The following AMBN variants were observed in gnomAD, a reference collection of about 807,000 sequenced individuals.
AMBN encodes ameloblastin, also known as enamel matrix protein.
In AMBN, 54 loss-of-function variants were observed where a neutral mutation model predicts 48.0. The observed-to-expected ratio is 1.12, with a 90% CI of 0.90 to 1.41. The LOEUF (loss-of-function observed/expected upper bound fraction) is 1.41, where lower values mean the gene tolerates loss of function less well. AMBN is among the 40% of genes most tolerant of loss of function. The pLI is 0.00. For missense variants in AMBN, 571 were observed against 547.3 expected, an observed-to-expected ratio of 1.04 and a Z score of -0.43; for synonymous variants, 186 against 190.0, an observed-to-expected ratio of 0.98 and a Z score of 0.17.
At chr4:70,603,604 A>C in intron 11 of AMBN, 144 bp downstream of exon 11, 1 of 879,858 alleles carries the variant, frequency 1.1e-6, no homozygotes, top group Admixed American at 2.7e-5. Flanking sequence ...TAAGGAGGCA[A>C]ACTTCCTATT....
chr4:70,602,904 C>G (rs955083375), intron 8 of AMBN, 68 bp downstream of exon 8: 1 of 1,523,600 alleles, frequency 6.6e-7, no homozygotes, highest in African/African-American at 1.4e-5. Context: ...CTTTGTCTAT[C>G]TTTTATTTGC....
intron 9 of AMBN, 76 bp from the exon 10 acceptor site, chr4:70,603,184 T>C: frequency 6.8e-7 from 1 of 1,467,428 alleles, no homozygotes; most frequent in Non-Finnish European, 9.4e-7. Flanking sequence ...TGAAAATGTG[T>C]TTCATATACC....
Position 70,599,664 on chromosome 4 carries a change from A to G in AMBN, c.294+18A>G. ...CTCAACAGGTGAGTGAATAGCATCA[A>G]TATGTTTGAAACCTCAGGCTTTAAA... On this transcript the variant is annotated intron_variant, in intron 5 of 12. Transcript: ENST00000322937. 6.4e-7 allele frequency: 1 copy of G among 1,562,930 alleles called. No individual in the cohort carries two copies.
chr4:70,596,991 T>A lies in AMBN; in HGVS notation c.85-8T>A, dbSNP rs1189372184. ...ATAAGACTCAAAATTATTCTTATTTTCATTCAGTTCTTTCCTCAGCAATCT... is the reference window on the plus strand; with the variant it reads ...ATAAGACTCAAAATTATTCTTATTTACATTCAGTTCTTTCCTCAGCAATCT... On this transcript the variant is annotated splice_region_variant and splice_polypyrimidine_tract_variant and intron_variant, in intron 2 of 12. Transcript: ENST00000322937. 1 of 1,612,878 alleles carries A rather than the reference T, an allele frequency of 6.2e-7. No individual in the cohort carries two copies. Among genetic ancestry groups the A allele is most frequent in the Non-Finnish European group, 8.5e-7 (1 of 1,179,180 alleles).
intron 12 of AMBN, among the ~76,000 whole-genome samples, chr4:70,604,809 A>G (rs1202658283): frequency 1.3e-5 from 2 of 152,132 alleles, no homozygotes; most frequent in Non-Finnish European, 2.9e-5. Context: ...CCTGGCCAAC[A>G]TGGTAAAACC....
intron 4 of AMBN, 72 bp from the exon 5 acceptor site, chr4:70,599,464 G>T: frequency 8.4e-7 from 1 of 1,196,948 alleles, no homozygotes; most frequent in Non-Finnish European, 1.2e-6. Context: ...AAAGGAAAAG[G>T]AAAACCAAAT....
At chr4:70,602,483 C>T in intron 6 of AMBN, 141 bp from the exon 7 acceptor site, 2 of 601,870 alleles carry the variant, frequency 3.3e-6, no homozygotes, top group Non-Finnish European at 5.4e-6. Flanking sequence ...AATAATGAAA[C>T]TCATTTTAAT....
intron 2 of AMBN, among the ~76,000 whole-genome samples, chr4:70,596,567 T>A (rs1241030684): frequency 6.6e-6 from 1 of 152,210 alleles, no homozygotes; most frequent in Non-Finnish European, 1.5e-5. Flanking sequence ...CCATGCCATG[T>A]CTTGTAAACC....
At chr4:70,595,688 C>A (rs1303978565) in intron 2 of AMBN, among the ~76,000 whole-genome samples, 1 of 152,006 alleles carries the variant, frequency 6.6e-6, no homozygotes, top group Non-Finnish European at 1.5e-5. Context: ...GAAGGAAAGA[C>A]GGCATTACAA....
Position 70,606,241 on chromosome 4 carries a change from G to A in AMBN, c.855G>A (p.Met285Ile), listed in dbSNP as rs115723025. 5.9e-3 allele frequency: 9,495 copies of A among 1,614,080 alleles called. 460 individuals carry two copies. The African/African-American group carries it at 0.11, about 18-fold the overall frequency. Residue 285 changes from methionine to isoleucine, a missense_variant, in exon 13 of 13, where the codon ATG (methionine) becomes ATA (isoleucine). By Grantham distance (10) the Met-to-Ile change is conservative. Coordinates refer to ENST00000322937, the MANE Select transcript of AMBN (RefSeq NM_016519.6). ...CCATGTTTCCAGGATTTGGAGGCAT[G>A]AGGCCCGGCTTTGAGGGAATGCCCC... ...YGAMFPGFGG[M>I]RPGFEGMPHN...
chr4:70,601,743 G>C, intron 6 of AMBN, 89 bp downstream of exon 6: 4 of 1,186,646 alleles, frequency 3.4e-6, no homozygotes, highest in Non-Finnish European at 4.9e-6. Context: ...AATAATCGTA[G>C]CCTTCAGGCA....
intron 4 of AMBN, among the ~76,000 whole-genome samples, chr4:70,598,884 C>CCTGTCT (rs1360824569): frequency 1.3e-5 from 2 of 151,616 alleles, no homozygotes; most frequent in Non-Finnish European, 2.9e-5. Context: ...AAGCAATTCT[C>CCTGTCT]CTGTCTCAGC....
Position 70,606,692 on chromosome 4 carries a change from G to A in AMBN, c.1306G>A (p.Glu436Lys), listed in dbSNP as rs149937358. ...SMPGNKAQEPEMMHDAWHFQE... is the reference protein window; with the variant it reads ...SMPGNKAQEPKMMHDAWHFQE... ...GCCAGGAAACAAAGCCCAGGAGCCC[G>A]AGATGATGCATGACGCATGGCATTT... The change falls in exon 13 of 13, where the codon GAG (glutamate) becomes AAG (lysine). Residue 436 changes from glutamate (E) to lysine (K), a missense_variant. Physicochemically the swap from Glu to Lys is moderately conservative, Grantham distance 56. Transcript: ENST00000322937. 3.5e-4 allele frequency: 565 copies of A among 1,613,898 alleles called. No individual in the cohort carries two copies. Among genetic ancestry groups the A allele is most frequent in the East Asian group, 2.3e-3 (104 of 44,858 alleles).
intron 7 of AMBN, 46 bp downstream of exon 7, chr4:70,602,708 A>T: frequency 6.7e-7 from 1 of 1,503,446 alleles, no homozygotes; most frequent in Non-Finnish European, 8.9e-7. Context: ...TTATTTTTTA[A>T]TTTTTATTTG....
Position 70,601,497 on chromosome 4 carries a change from C to T in AMBN, c.374C>T (p.Pro125Leu), listed in dbSNP as rs180819235. ...SLKPQQPGLK[P>L]FLQSAAATTN... ...AAGCCTCAACAGCCAGGACTGAAAC[C>T]TTTTCTCCAGTCTGCTGCTGCAACC... The change falls in exon 6 of 13, where the codon CCT (proline) becomes CTT (leucine). Residue 125 changes from proline (P) to leucine (L), a missense_variant. Pro to Leu is a moderately conservative substitution (Grantham distance 98). Coordinates refer to ENST00000322937, the MANE Select transcript of AMBN (RefSeq NM_016519.6). 2 of 1,614,192 alleles carry T rather than the reference C, an allele frequency of 1.2e-6. No homozygotes were observed. The highest frequency in any genetic ancestry group is 1.7e-6 in the Non-Finnish European group (2 of 1,180,002).
rs10540269 is a variant in AMBN at position 70,597,956 on chromosome 4, CTTGT to C, written c.136-389_136-386del. On this transcript the variant is annotated intron_variant, in intron 3 of 12. Coordinates refer to ENST00000322937, the MANE Select transcript of AMBN (RefSeq NM_016519.6). ...AGAGGTAGAAGTTTTATTTGTTTGT[CTTGT>C]TTGTTTGTTTCAAATTCCTCTTCTG... Among the ~76,000 whole-genome samples the C allele has an allele frequency of 9.2e-5, 14 of 151,482 alleles. No homozygotes were observed. The East Asian group carries it at 1.2e-3, about 13-fold the overall frequency.
intron 3 of AMBN, among the ~76,000 whole-genome samples, chr4:70,597,254 A>G (rs1422929983): frequency 6.6e-6 from 1 of 152,208 alleles, no homozygotes; most frequent in African/African-American, 2.4e-5. Context: ...TTTAAGTTTT[A>G]GAACATTGTT....
In AMBN at chr4:70,606,958, T is replaced by C. The variant is rs967612908; in HGVS notation, c.*228T>C. 14 of 531,820 alleles carry C rather than the reference T, an allele frequency of 2.6e-5. No homozygotes were observed. Among genetic ancestry groups the C allele is most frequent in the Non-Finnish European group, 3.9e-5 (12 of 304,642 alleles). 32.9% of individuals were successfully genotyped at this position (531,820 alleles called of 1,614,324 possible). On this transcript the variant is annotated 3_prime_UTR_variant, in exon 13 of 13. Transcript: ENST00000322937. ...TTGTCTCTGTGATTTAGAAACACTA[T>C]TAATAACATCAGAGCAAGGTTCTAA...
At chr4:70,604,992 T>TAAAAAA (rs67400307) in intron 12 of AMBN, among the ~76,000 whole-genome samples, 48 of 145,230 alleles carry the variant, frequency 3.3e-4, no homozygotes, top group African/African-American at 1.2e-3. Context: ...GACCCTGCCT[T>TAAAAAA]AAAAAAAAAA....
Sources: allele counts gnomAD v4.1 joint callset (sites outside exome capture counted in the v4.1 genomes callset), GRCh38; gene constraint gnomAD v4.1.1; transcripts MANE v1.5; gene names NCBI Gene and HGNC (gene_info 2026-07-23, HGNC 2026-07-21).